UNC13C: variants seen among roughly 807,000 people sequenced by gnomAD.
The protein encoded by UNC13C is unc-13 homolog C.
A neutral mutation model predicts 245.4 loss-of-function variants in UNC13C; 174 were observed. The ratio of observed to expected loss-of-function variants is 0.71; its 90% CI spans 0.63 to 0.80. The LOEUF (loss-of-function observed/expected upper bound fraction) is 0.80, where lower values mean the gene tolerates loss of function less well. UNC13C is among the 30% of genes least tolerant of loss of function. The pLI is 0.00. For missense variants in UNC13C, 2,829 were observed against 2,602.9 expected (o/e 1.09, Z -1.89); for synonymous variants, 992 against 895.1 (o/e 1.11, Z -1.93).
intron 19 of UNC13C, among the ~76,000 whole-genome samples, chr15:54,462,933 T>C (rs1891936364): frequency 6.6e-6 from 1 of 152,062 alleles, no homozygotes; most frequent in East Asian, 1.9e-4. Context: ...GGTGGGGGCT[T>C]GGAGAACTTT....
intron 4 of UNC13C, among the ~76,000 whole-genome samples, chr15:54,209,398 A>C (rs751448638): frequency 4.0e-5 from 6 of 150,382 alleles, no homozygotes; most frequent in Admixed American, 2.0e-4. Context: ...TTTACATTTT[A>C]GTGTTTTCTT....
rs149148674 is a variant in UNC13C, at chr15:54,080,974, T to C, written c.2984-62044T>C. On this transcript the variant is annotated intron_variant, in intron 2 of 32. Coordinates refer to ENST00000260323, the MANE Select transcript of UNC13C (RefSeq NM_001080534.3). ...TATAAAATTTCCTCTTAACACTGTTTTGTTGTATCTCCATTGGTTTTGGTA... is the reference window on the plus strand; with the variant it reads ...TATAAAATTTCCTCTTAACACTGTTCTGTTGTATCTCCATTGGTTTTGGTA... Among the ~76,000 whole-genome samples the C allele has an allele frequency of 2.3e-4, 35 of 152,206 alleles. No individual in the cohort carries two copies. The East Asian group carries it at 6.8e-3, about 29-fold the overall frequency.
intron 16 of UNC13C, 68 bp downstream of exon 16, chr15:54,333,924 T>A: frequency 8.8e-7 from 1 of 1,139,734 alleles, no homozygotes; most frequent in Non-Finnish European, 1.3e-6. Flanking sequence ...GGTAAAGTCT[T>A]GCTTTACCCT....
intron 4 of UNC13C, among the ~76,000 whole-genome samples, chr15:54,225,152 T>G (rs1461266384): frequency 6.7e-6 from 1 of 148,564 alleles, no homozygotes; most frequent in Non-Finnish European, 1.5e-5. Context: ...TGTGCAGTCT[T>G]ATTTCTGAGT....
intron 2 of UNC13C, among the ~76,000 whole-genome samples, chr15:54,085,957 A>G (rs116339888): frequency 1.8e-3 from 280 of 152,326 alleles, no homozygotes; most frequent in African/African-American, 6.5e-3. Flanking sequence ...TTGACATGTA[A>G]TATACATATT....
At chr15:54,057,501 C>A (rs1415751383) in intron 2 of UNC13C, among the ~76,000 whole-genome samples, 1 of 151,602 alleles carries the variant, frequency 6.6e-6, no homozygotes, top group Non-Finnish European at 1.5e-5. Context: ...GACTCCCACA[C>A]AATAATAATG....
chr15:54,321,298 A>G (rs2038151030), intron 13 of UNC13C: 1 of 476,132 alleles, frequency 2.1e-6, no homozygotes, highest in Non-Finnish European at 4.1e-6. Context: ...ATTTCCCTGT[A>G]CTGTTCAAAA....
intron 2 of UNC13C, among the ~76,000 whole-genome samples, chr15:54,099,493 A>G (rs995828230): frequency 5.3e-5 from 8 of 152,136 alleles, no homozygotes; most frequent in Admixed American, 3.9e-4. Context: ...TAATACCCCA[A>G]GATGGTCACT....
intron 30 of UNC13C, among the ~76,000 whole-genome samples, chr15:54,586,807 G>A (rs527249176): frequency 6.6e-6 from 1 of 152,314 alleles, no homozygotes; most frequent in South Asian, 2.1e-4. Flanking sequence ...AGGATAAGAA[G>A]AAACCAGCCA....
At chr15:53,948,731 T>G in the UNC13C span, 1 of 151,636 alleles carries the variant, frequency 6.6e-6, no homozygotes, top group South Asian at 2.1e-4. Context: ...AGAAATGATG[T>G]GAGAAAGATG....
At chr15:54,396,598 C>G (rs952973539) in intron 18 of UNC13C, among the ~76,000 whole-genome samples, 1 of 151,458 alleles carries the variant, frequency 6.6e-6, no homozygotes, top group African/African-American at 2.4e-5. Flanking sequence ...TAGACATACT[C>G]TTTTATTTCT....
At chr15:54,316,612 A>G (rs2140971526) in intron 13 of UNC13C, among the ~76,000 whole-genome samples, 1 of 151,936 alleles carries the variant, frequency 6.6e-6, no homozygotes, top group East Asian at 2.0e-4. Flanking sequence ...AAGCAGATTC[A>G]TTACTGCATA....
At chr15:54,319,230 A>T (rs1360887665) in intron 13 of UNC13C, among the ~76,000 whole-genome samples, 3 of 151,588 alleles carry the variant, frequency 2.0e-5, no homozygotes, top group Non-Finnish European at 4.4e-5. Flanking sequence ...TTTAGGCATT[A>T]CATTTTCCAC....
intron 4 of UNC13C, among the ~76,000 whole-genome samples, chr15:54,210,644 A>C (rs2140748294): frequency 6.6e-6 from 1 of 152,242 alleles, no homozygotes; most frequent in African/African-American, 2.4e-5. Flanking sequence ...CTCTACTTTA[A>C]GAACTATGAA....
At chr15:53,916,501 T>C in the UNC13C span, among the ~76,000 whole-genome samples, 1 of 152,100 alleles carries the variant, frequency 6.6e-6, no homozygotes, top group African/African-American at 2.4e-5. Context: ...AGAGAGAGAA[T>C]GGGAAAGGCC....
At chr15:54,245,503 C>T in intron 7 of UNC13C, among the ~76,000 whole-genome samples, 1 of 152,112 alleles carries the variant, frequency 6.6e-6, no homozygotes, top group Non-Finnish European at 1.5e-5. Context: ...CTTTCTGCTA[C>T]AAAAAAATCA....
chr15:54,434,088 C>T (rs1296280030), intron 19 of UNC13C, among the ~76,000 whole-genome samples: 1 of 152,002 alleles, frequency 6.6e-6, no homozygotes, highest in Admixed American at 6.6e-5. Context: ...AGAGAAGACA[C>T]AAACAAATGG....
intron 10 of UNC13C, among the ~76,000 whole-genome samples, chr15:54,266,985 C>T (rs2036564496): frequency 6.6e-6 from 1 of 152,018 alleles, no homozygotes; most frequent in African/African-American, 2.4e-5. Flanking sequence ...ATGTCAATAG[C>T]TTATTTCTAT....
chr15:54,431,203 A>G (rs1331669415), intron 19 of UNC13C, among the ~76,000 whole-genome samples: 1 of 151,768 alleles, frequency 6.6e-6, no homozygotes, highest in African/African-American at 2.4e-5. Context: ...CAGGTTTATA[A>G]CATGTGCAAA....
Sources: allele counts gnomAD v4.1 joint callset (sites outside exome capture counted in the v4.1 genomes callset), GRCh38; gene constraint gnomAD v4.1.1; transcripts MANE v1.5; gene names NCBI Gene and HGNC (gene_info 2026-07-23, HGNC 2026-07-21).